Variants in UBE2D2 observed in about 807,000 individuals in gnomAD.
UBE2D2 encodes the protein ubiquitin-conjugating enzyme E2 D2.
Under a neutral mutation model 24.2 loss-of-function variants are expected in UBE2D2, and 2 were observed. That is an observed-to-expected ratio of 0.08 (90% CI 0.03 to 0.26). UBE2D2 has a LOEUF of 0.26. Among genes scored for constraint, UBE2D2 ranks in the 10% least tolerant of loss-of-function variants. UBE2D2 has a pLI of 1.00. For missense variants in UBE2D2, 44 were observed against 177.6 expected, an observed-to-expected ratio of 0.25 and a Z score of 4.28; for synonymous variants, 58 against 56.5, an observed-to-expected ratio of 1.03 and a Z score of -0.12.
chr5:139,611,277 C>G (rs1754314395), intron 2 of UBE2D2, among the ~76,000 whole-genome samples: 1 of 150,148 alleles, frequency 6.7e-6, no homozygotes, highest in East Asian at 2.0e-4. Context: ...GCATTCACCT[C>G]CGAGTTTCAA....
chr5:139,560,580 C>T (rs551963464), upstream of UBE2D2, among the ~76,000 whole-genome samples: 2 of 152,324 alleles, frequency 1.3e-5, no homozygotes, highest in African/African-American at 4.8e-5. Context: ...GATGCGCCAG[C>T]CTCAGCCTCC....
At chr5:139,605,759 G>A (rs902681576) in intron 2 of UBE2D2, among the ~76,000 whole-genome samples, 1 of 141,928 alleles carries the variant, frequency 7.0e-6, no homozygotes, top group Non-Finnish European at 1.5e-5. Flanking sequence ...CTTCTTTAAA[G>A]GCAGGGGCTC....
chr5:139,595,456 A>G (rs759468383), intron 1 of UBE2D2, among the ~76,000 whole-genome samples: 14 of 151,688 alleles, frequency 9.2e-5, no homozygotes, highest in Non-Finnish European at 1.6e-4. Context: ...TTGTCTCACT[A>G]CAACCTCTGC....
intron 1 of UBE2D2, among the ~76,000 whole-genome samples, chr5:139,551,162 T>C (rs1037375811): frequency 6.6e-6 from 1 of 151,850 alleles, no homozygotes; most frequent in Non-Finnish European, 1.5e-5. Context: ...CTGGCCAATA[T>C]AGTGAAACCC....
chr5:139,583,812 G>A (rs1329653031), intron 1 of UBE2D2, among the ~76,000 whole-genome samples: 2 of 152,032 alleles, frequency 1.3e-5, no homozygotes, highest in Non-Finnish European at 2.9e-5. Flanking sequence ...AGGTAAAATA[G>A]GAAAGGTTCT....
chr5:139,586,519 A>G (rs1367331562), intron 1 of UBE2D2, among the ~76,000 whole-genome samples: 1 of 152,188 alleles, frequency 6.6e-6, no homozygotes, highest in Non-Finnish European at 1.5e-5. Context: ...TAATCCCCAC[A>G]CTTTGGGAGG....
chr5:139,572,575 C>CACAG (rs1326456263), intron 1 of UBE2D2, among the ~76,000 whole-genome samples: 1 of 151,652 alleles, frequency 6.6e-6, no homozygotes, highest in Non-Finnish European at 1.5e-5. Context: ...CAGCTTGGGC[C>CACAG]ACAGAGCGAG....
chr5:139,570,099 G>A (rs78500460), intron 1 of UBE2D2, among the ~76,000 whole-genome samples: 2,204 of 152,148 alleles, frequency 0.014, 29 homozygotes, highest in Middle Eastern at 0.054. Context: ...CTACAAAAGC[G>A]AAACAAAGTG....
chr5:139,550,032 C>A (rs1480144655), intron 1 of UBE2D2, among the ~76,000 whole-genome samples: 2 of 152,166 alleles, frequency 1.3e-5, no homozygotes, highest in African/African-American at 4.8e-5. Context: ...AATCAGCACC[C>A]TGTGTCTAGC....
At chr5:139,568,607 A>T (rs1325873956) in intron 1 of UBE2D2, among the ~76,000 whole-genome samples, 1 of 152,098 alleles carries the variant, frequency 6.6e-6, no homozygotes, top group Admixed American at 6.6e-5. Flanking sequence ...CAGTAAGTGG[A>T]GATCGCGCCG....
chr5:139,548,623 T>C (rs995178011), intron 1 of UBE2D2, among the ~76,000 whole-genome samples: 10 of 152,112 alleles, frequency 6.6e-5, no homozygotes, highest in Non-Finnish European at 1.5e-4. Flanking sequence ...TCATCATCAT[T>C]ATCGTCATTA....
At chr5:139,623,532 T>C in intron 6 of UBE2D2, 71 bp downstream of exon 6, 1 of 1,321,948 alleles carries the variant, frequency 7.6e-7, no homozygotes, top group Non-Finnish European at 1.1e-6. Flanking sequence ...CTTTCTTGTT[T>C]AAGGGCTGAA....
intron 2 of UBE2D2, among the ~76,000 whole-genome samples, chr5:139,603,666 C>G (rs753897340): frequency 1.4e-5 from 2 of 143,588 alleles, no homozygotes; most frequent in African/African-American, 5.2e-5. Context: ...TGGTGTCTCA[C>G]GTCTGTACGC....
At chr5:139,550,891 C>T (rs974324999) in intron 1 of UBE2D2, among the ~76,000 whole-genome samples, 1 of 152,160 alleles carries the variant, frequency 6.6e-6, no homozygotes, top group Non-Finnish European at 1.5e-5. Context: ...CTGTAGCACT[C>T]ATCATGAGAG....
chr5:139,614,519 A>G (rs572683837), intron 2 of UBE2D2, 67 bp from the exon 3 acceptor site: 16 of 1,555,036 alleles, frequency 1.0e-5, no homozygotes, highest in African/African-American at 1.4e-5. Context: ...GGGGAATGAT[A>G]TGTTACTATG....
chr5:139,538,410 A>G (rs1752714821), intron 1 of UBE2D2, among the ~76,000 whole-genome samples: 1 of 152,228 alleles, frequency 6.6e-6, no homozygotes. Flanking sequence ...GGATAAACAC[A>G]ATAAATATCC....
At chr5:139,526,944 C>T (rs1243411352) in intron 1 of UBE2D2, among the ~76,000 whole-genome samples, 1 of 152,090 alleles carries the variant, frequency 6.6e-6, no homozygotes, top group East Asian at 1.9e-4. Flanking sequence ...TGTGTGTACC[C>T]TCTTTACCCA....
chr5:139,599,977 C>G (rs966580124), intron 1 of UBE2D2, among the ~76,000 whole-genome samples: 5 of 151,778 alleles, frequency 3.3e-5, no homozygotes, highest in Admixed American at 6.6e-5. Flanking sequence ...CTAATTTTTT[C>G]TATCTTCAGT....
At chr5:139,529,238 C>A (rs1297972304) in intron 1 of UBE2D2, among the ~76,000 whole-genome samples, 3 of 152,050 alleles carry the variant, frequency 2.0e-5, no homozygotes, top group African/African-American at 7.2e-5. Context: ...GTGCTATGAC[C>A]CCTCTGAACC....
Sources: allele counts gnomAD v4.1 joint callset (sites outside exome capture counted in the v4.1 genomes callset), GRCh38; gene constraint gnomAD v4.1.1; transcripts MANE v1.5; gene names NCBI Gene and HGNC (gene_info 2026-07-23, HGNC 2026-07-21).